Variants in SLC23A2 observed in about 807,000 individuals in gnomAD.
SLC23A2 encodes Na(+)/L-ascorbic acid transporter 2.
In SLC23A2, 36 loss-of-function variants were observed where a neutral mutation model predicts 73.3. The ratio of observed to expected loss-of-function variants is 0.49; its 90% CI spans 0.38 to 0.65. SLC23A2 has a LOEUF of 0.65. SLC23A2 is among the 30% of genes least tolerant of loss of function. SLC23A2 has a pLI of 0.00. For missense variants in SLC23A2, 507 were observed against 841.6 expected (o/e 0.60, Z 4.92); for synonymous variants, 343 against 327.3 (o/e 1.05, Z -0.52).
chr20:4,920,692 A>G (rs759546412), intron 3 of SLC23A2, among the ~76,000 whole-genome samples: 9 of 152,234 alleles, frequency 5.9e-5, no homozygotes, highest in South Asian at 2.1e-4. Flanking sequence ...AAGTGAAAAG[A>G]GCAAGAACGG....
At chr20:4,896,136 C>T (rs1345211899) in intron 6 of SLC23A2, among the ~76,000 whole-genome samples, 1 of 152,114 alleles carries the variant, frequency 6.6e-6, no homozygotes, top group Non-Finnish European at 1.5e-5. Flanking sequence ...GACACACGAA[C>T]ATGGGGTGCA....
intron 1 of SLC23A2, among the ~76,000 whole-genome samples, chr20:5,007,752 A>T (rs906486845): frequency 6.6e-6 from 1 of 152,132 alleles, no homozygotes; most frequent in African/African-American, 2.4e-5. Flanking sequence ...TATTCTGAAC[A>T]TTTAGTATAA....
chr20:4,883,524 T>A lies in SLC23A2; in HGVS notation c.824+118A>T. 1.3e-6 allele frequency: 1 copy of A among 778,780 alleles called. No homozygotes were observed. Among genetic ancestry groups the A allele is most frequent in the Middle Eastern group, 4.1e-4 (1 of 2,444 alleles). 48.2% of individuals were successfully genotyped at this position (778,780 alleles called of 1,614,324 possible). A position where few individuals can be genotyped will look rare whatever the true frequency, so the allele number is the denominator to read the frequency against. On this transcript the variant is annotated intron_variant, in intron 9 of 16. Transcript: ENST00000338244. This position sits in a 1 kb window ranked among gnomAD's most constrained non-coding sequence, Gnocchi z 4.5. Reference sequence around the variant, plus strand: ...CAACTATTCCCCAGCACGAAGCAAATAAAGTTGAAACTGTCAGACCATTCT... The same window carrying A: ...CAACTATTCCCCAGCACGAAGCAAAAAAAGTTGAAACTGTCAGACCATTCT...
chr20:4,906,837 T>G (rs1388773379), intron 4 of SLC23A2, among the ~76,000 whole-genome samples: 3 of 152,024 alleles, frequency 2.0e-5, no homozygotes, highest in Non-Finnish European at 4.4e-5. Flanking sequence ...AGATTAATAT[T>G]TTTTTTAATA....
chr20:4,892,500 T>C (rs1931368473), intron 6 of SLC23A2, among the ~76,000 whole-genome samples: 1 of 152,198 alleles, frequency 6.6e-6, no homozygotes, highest in Non-Finnish European at 1.5e-5. Flanking sequence ...TCTCCCATAT[T>C]AATGTATGAT....
At position 4,899,038 on chromosome 20, in the gene SLC23A2, G is replaced by A. The variant is rs984107482; in HGVS notation, c.482+517C>T. Among the ~76,000 whole-genome samples the A allele has an allele frequency of 3.9e-5, 6 of 152,200 alleles. No individual in the cohort carries two copies. The highest frequency in any genetic ancestry group is 7.3e-5 in the Non-Finnish European group (5 of 68,052). ...GACAGGGCTCAGAGGCATGGCTGGA[G>A]ATGGAAGTGGGGCAGAGAGCAAGGG... On this transcript the variant is annotated intron_variant, in intron 6 of 16. Coordinates refer to ENST00000338244, the MANE Select transcript of SLC23A2 (RefSeq NM_005116.6). The surrounding 1 kb of genome is among the most constrained non-coding windows in gnomAD (Gnocchi z 4.9).
intron 12 of SLC23A2, chr20:4,869,669 A>C: frequency 6.7e-6 from 3 of 447,580 alleles, no homozygotes; most frequent in Non-Finnish European, 7.9e-6. Flanking sequence ...CAATTAAGGA[A>C]GGGTAGGAAT....
intron 1 of SLC23A2, among the ~76,000 whole-genome samples, chr20:4,989,542 G>A (rs763478611): frequency 2.6e-5 from 4 of 151,936 alleles, no homozygotes; most frequent in African/African-American, 7.3e-5. Flanking sequence ...CAGGTGCAAC[G>A]GCTCACACCT....
At position 4,940,865 on chromosome 20, in the gene SLC23A2, G is replaced by A. The variant is rs1036983992; in HGVS notation, c.-154-8149C>T. 2.0e-5 allele frequency among the ~76,000 whole-genome samples: 3 copies of A among 152,166 alleles called. No individual in the cohort carries two copies. In the East Asian group the frequency reaches 5.8e-4, roughly 29 times the overall value. ...GAGAACTGACTTCAACAGGTTAAAG[G>A]TTTTAGGTTGCCAGGTACGGTGGCT... On this transcript the variant is annotated intron_variant, in intron 2 of 16. Transcript: ENST00000338244.
At chr20:4,981,240 G>A (rs1422943132) in intron 1 of SLC23A2, among the ~76,000 whole-genome samples, 3 of 152,142 alleles carry the variant, frequency 2.0e-5, no homozygotes, top group Non-Finnish European at 4.4e-5. Flanking sequence ...CAATTTCTCA[G>A]GAGAACTGCA....
chr20:4,880,784 C>T (rs1012419086), intron 9 of SLC23A2, among the ~76,000 whole-genome samples: 16 of 151,744 alleles, frequency 1.1e-4, no homozygotes, highest in African/African-American at 2.2e-4. Context: ...GGCCAAGAGA[C>T]GCAAGCAGAC....
intron 3 of SLC23A2, among the ~76,000 whole-genome samples, chr20:4,914,831 G>A (rs1283346352): frequency 1.3e-5 from 2 of 152,154 alleles, no homozygotes; most frequent in Admixed American, 6.5e-5. Flanking sequence ...ACCTGAGGTC[G>A]GGAGTTCGAG....
chr20:4,957,808 G>A (rs1272295373), intron 2 of SLC23A2, among the ~76,000 whole-genome samples: 1 of 151,460 alleles, frequency 6.6e-6, no homozygotes, highest in Non-Finnish European at 1.5e-5. Flanking sequence ...GGCTGAGGCA[G>A]GAGAATCCCC....
At chr20:4,959,671 T>C (rs2087349197) in intron 2 of SLC23A2, among the ~76,000 whole-genome samples, 1 of 152,012 alleles carries the variant, frequency 6.6e-6, no homozygotes, top group Admixed American at 6.6e-5. Flanking sequence ...CTAATTTTTC[T>C]AATTTTTGTA....
At chr20:4,890,558 A>T (rs2058768305) in intron 6 of SLC23A2, among the ~76,000 whole-genome samples, 1 of 152,240 alleles carries the variant, frequency 6.6e-6, no homozygotes, top group African/African-American at 2.4e-5. Flanking sequence ...AGGCTGAGGC[A>T]GAGGAATCTC....
intron 15 of SLC23A2, 28 bp from the exon 16 acceptor site, chr20:4,859,412 T>A (rs1412192027): frequency 1.4e-6 from 2 of 1,470,224 alleles, no homozygotes; most frequent in Non-Finnish European, 1.9e-6. Flanking sequence ...CCATAAACGA[T>A]CAGTGCCACA....
chr20:4,870,544 T>C (rs1264742345), intron 11 of SLC23A2, among the ~76,000 whole-genome samples: 1 of 151,226 alleles, frequency 6.6e-6, no homozygotes, highest in African/African-American at 2.4e-5. Context: ...GCCACTGCAC[T>C]CCAGCCTGGG....
intron 5 of SLC23A2, among the ~76,000 whole-genome samples, chr20:4,901,902 C>T (rs1401721807): frequency 6.6e-6 from 1 of 152,086 alleles, no homozygotes; most frequent in East Asian, 1.9e-4. Flanking sequence ...TTTCCTTTCC[C>T]TTCCTTTATG....
intron 2 of SLC23A2, among the ~76,000 whole-genome samples, chr20:4,936,821 T>C (rs570665877): frequency 6.6e-6 from 1 of 152,184 alleles, no homozygotes; most frequent in Non-Finnish European, 1.5e-5. Context: ...GAACCACTAA[T>C]GCACTTCACC....
Sources: gnomAD v4.1 joint callset for allele counts (sites outside exome capture counted in the v4.1 genomes callset) on GRCh38, gnomAD v4.1.1 for gene constraint, Gnocchi (gnomAD v3.1) non-coding constraint, MANE v1.5 for transcripts, NCBI Gene and HGNC (gene_info 2026-07-23, HGNC 2026-07-21) for gene names.